Variants in CADM2 observed in about 807,000 individuals in gnomAD.
The protein encoded by CADM2 is cell adhesion molecule 2, also known as immunoglobulin superfamily member 4D.
CADM2 carries 12 observed loss-of-function variants against 49.8 expected under a neutral mutation model. That is an observed-to-expected ratio of 0.24 (90% CI 0.15 to 0.39). The LOEUF is 0.39. CADM2 is among the 10% of genes least tolerant of loss of function. The pLI, the probability that CADM2 is intolerant of heterozygous loss-of-function variation, is 1.00. For missense variants in CADM2, 378 were observed against 492.3 expected (o/e 0.77, Z 2.20); for synonymous variants, 214 against 175.4 (o/e 1.22, Z -1.74).
chr3:85,676,225 C>G (rs2107645975), intron 1 of CADM2, among the ~76,000 whole-genome samples: 1 of 152,262 alleles, frequency 6.6e-6, no homozygotes, highest in South Asian at 2.1e-4. Flanking sequence ...TTAAATTTCT[C>G]TTAAAATCAA....
chr3:85,928,371 A>G (rs1005256177), intron 6 of CADM2, among the ~76,000 whole-genome samples: 2 of 152,054 alleles, frequency 1.3e-5, no homozygotes, highest in African/African-American at 4.8e-5. Flanking sequence ...GTTGGGCAGA[A>G]TAGTCTTGAT....
At chr3:85,306,372 T>C (rs1251853361) in intron 1 of CADM2, among the ~76,000 whole-genome samples, 2 of 151,744 alleles carry the variant, frequency 1.3e-5, no homozygotes, top group Admixed American at 6.6e-5. Flanking sequence ...AATTATTGAC[T>C]TCATCAATCT....
chr3:85,274,020 G>C lies in CADM2; in HGVS notation c.61+314352G>C, dbSNP rs560447379. ...TGAGTTGTCACAGAAACTACTTCAAGAAGGAGTGAGAAAGGTTAACTGGAT... is the reference window on the plus strand; with the variant it reads ...TGAGTTGTCACAGAAACTACTTCAACAAGGAGTGAGAAAGGTTAACTGGAT... On this transcript the variant is annotated intron_variant, in intron 1 of 9. Coordinates refer to ENST00000383699, the MANE Select transcript of CADM2 (RefSeq NM_001167675.2). Among the ~76,000 whole-genome samples, 4 of 151,544 alleles carry C rather than the reference G, an allele frequency of 2.6e-5. No homozygotes were observed. The South Asian group carries it at 8.3e-4, about 31-fold the overall frequency.
In CADM2 at chr3:85,428,130, G is replaced by A. The variant is rs372990637; in HGVS notation, c.62-298392G>A. ...GATGCTGGTTATTTCACTATGAACTGTTGAGTACTTTCTCACATGAATTAT... is the reference window on the plus strand; with the variant it reads ...GATGCTGGTTATTTCACTATGAACTATTGAGTACTTTCTCACATGAATTAT... On this transcript the variant is annotated intron_variant, in intron 1 of 9. Coordinates refer to ENST00000383699, the MANE Select transcript of CADM2 (RefSeq NM_001167675.2). Among the ~76,000 whole-genome samples the A allele has an allele frequency of 3.8e-4, 57 of 151,174 alleles. 1 individual carries two copies. Among genetic ancestry groups the A allele is most frequent in the East Asian group, 3.5e-3 (18 of 5,148 alleles).
intron 1 of CADM2, among the ~76,000 whole-genome samples, chr3:85,452,693 A>G (rs2037806265): frequency 6.6e-6 from 1 of 152,120 alleles, no homozygotes; most frequent in Non-Finnish European, 1.5e-5. Flanking sequence ...TCATCCTAAG[A>G]GATAATTCTC....
intron 1 of CADM2, among the ~76,000 whole-genome samples, chr3:85,276,359 C>G (rs2043357302): frequency 6.6e-6 from 1 of 151,316 alleles, no homozygotes; most frequent in Non-Finnish European, 1.5e-5. Context: ...AATCAAAATT[C>G]AAGATTCTTT....
At chr3:85,102,917 C>T (rs1405747392) in intron 1 of CADM2, among the ~76,000 whole-genome samples, 1 of 152,060 alleles carries the variant, frequency 6.6e-6, no homozygotes, top group African/African-American at 2.4e-5. Flanking sequence ...TGTTCACAGG[C>T]CTTGTGAGTC....
intron 8 of CADM2, among the ~76,000 whole-genome samples, chr3:85,982,216 G>C (rs1408005615): frequency 6.6e-6 from 1 of 151,280 alleles, no homozygotes; most frequent in Non-Finnish European, 1.5e-5. Context: ...TACTCTTTCT[G>C]GTAAATTCAC....
At chr3:85,913,936 G>C (rs918083752) in intron 6 of CADM2, among the ~76,000 whole-genome samples, 1 of 152,062 alleles carries the variant, frequency 6.6e-6, no homozygotes, top group African/African-American at 2.4e-5. Flanking sequence ...TCTAGGAATA[G>C]CAAGGGTGCC....
intron 1 of CADM2, among the ~76,000 whole-genome samples, chr3:85,030,636 G>A (rs1324926764): frequency 6.6e-6 from 1 of 152,000 alleles, no homozygotes; most frequent in Non-Finnish European, 1.5e-5. Context: ...GAATTCCCTT[G>A]ACCCTCCATC....
chr3:85,626,265 A>G (rs1167370782), intron 1 of CADM2, among the ~76,000 whole-genome samples: 1 of 152,002 alleles, frequency 6.6e-6, no homozygotes, highest in Non-Finnish European at 1.5e-5. Flanking sequence ...AATTACAAAC[A>G]TCCTATTTAA....
At chr3:85,065,302 T>A (rs4856265) in intron 1 of CADM2, among the ~76,000 whole-genome samples, 13,428 of 152,156 alleles carry the variant, frequency 0.088, 1,116 homozygotes, top group Admixed American at 0.26. Context: ...TTTTCTATTA[T>A]GAATCAGACT....
intron 8 of CADM2, among the ~76,000 whole-genome samples, chr3:86,064,742 G>T (rs1739110742): frequency 6.6e-6 from 1 of 152,182 alleles, no homozygotes; most frequent in African/African-American, 2.4e-5. Flanking sequence ...TCATTAAAAT[G>T]ACCTTTTCAT....
At chr3:85,231,978 G>A (rs2042300530) in intron 1 of CADM2, among the ~76,000 whole-genome samples, 2 of 151,856 alleles carry the variant, frequency 1.3e-5, no homozygotes, top group South Asian at 4.2e-4. Context: ...GCGTCCCAAA[G>A]TGCTGGGATT....
chr3:85,323,620 A>C (rs2044673460), intron 1 of CADM2, among the ~76,000 whole-genome samples: 1 of 152,060 alleles, frequency 6.6e-6, no homozygotes, highest in Admixed American at 6.6e-5. Context: ...TTCCTCCAGC[A>C]CCTCTGTGTT....
intron 8 of CADM2, among the ~76,000 whole-genome samples, chr3:86,046,531 G>A (rs1736706529): frequency 6.6e-6 from 1 of 152,040 alleles, no homozygotes; most frequent in African/African-American, 2.4e-5. Context: ...GAGGGCTGGA[G>A]TACTGGTATC....
chr3:85,726,607 A>G lies in CADM2; in HGVS notation c.88+59A>G. 4 of 1,360,700 alleles carry G rather than the reference A, an allele frequency of 2.9e-6. No homozygotes were observed. In the South Asian group the frequency reaches 4.7e-5, roughly 16 times the overall value. The allele number at this position is 1,360,700 out of a possible 1,614,324, so 84.3% of individuals were successfully genotyped here. A position where few individuals can be genotyped will look rare whatever the true frequency, so the allele number is the denominator to read the frequency against. ...CATTCATTTTTCTGCTCAATCTTCT[A>G]AGTTCTCTTAAATGATAGAACCAAT... is the stretch of plus-strand genomic sequence containing the variant. On this transcript the variant is annotated intron_variant, in intron 2 of 9. Coordinates refer to ENST00000383699, the MANE Select transcript of CADM2 (RefSeq NM_001167675.2).
At chr3:85,837,885 G>T (rs1173078428) in intron 3 of CADM2, among the ~76,000 whole-genome samples, 3 of 151,680 alleles carry the variant, frequency 2.0e-5, no homozygotes, top group African/African-American at 4.8e-5. Context: ...TGTGATAAAA[G>T]TATGCTGCAT....
intron 1 of CADM2, among the ~76,000 whole-genome samples, chr3:85,075,564 G>A (rs1020388081): frequency 1.3e-5 from 2 of 152,082 alleles, no homozygotes; most frequent in Non-Finnish European, 2.9e-5. Flanking sequence ...ATTTTAACTT[G>A]TTTGTGGGTT....
Sources: allele counts gnomAD v4.1 joint callset (sites outside exome capture counted in the v4.1 genomes callset), GRCh38; gene constraint gnomAD v4.1.1; transcripts MANE v1.5; gene names NCBI Gene and HGNC (gene_info 2026-07-23, HGNC 2026-07-21).